The following FRY variants were observed in gnomAD, a reference collection of about 807,000 sequenced individuals.
FRY encodes protein furry homolog.
A neutral mutation model predicts 348.4 loss-of-function variants in FRY; 128 were observed. That is an observed-to-expected ratio of 0.37 (90% CI 0.32 to 0.43). The LOEUF (loss-of-function observed/expected upper bound fraction) is 0.43, where lower values mean the gene tolerates loss of function less well. Among genes scored for constraint, FRY ranks in the 20% least tolerant of loss-of-function variants. FRY has a pLI of 1.00. For synonymous variants in FRY, 1,370 were observed against 1,374.7 expected (o/e 1.00, Z 0.08); for missense variants, 2,736 against 3,695.2 (o/e 0.74, Z 6.73).
chr13:32,181,535 A>C (rs1045686117), intron 23 of FRY, among the ~76,000 whole-genome samples: 3 of 143,030 alleles, frequency 2.1e-5, no homozygotes, highest in Non-Finnish European at 3.0e-5. Context: ...CAGAGGTTGC[A>C]GTGCACTCCA....
chr13:32,147,420 A>C, intron 12 of FRY, 35 bp downstream of exon 12: 1 of 1,121,970 alleles, frequency 8.9e-7, no homozygotes, highest in Non-Finnish European at 1.4e-6. Context: ...TAACCATATC[A>C]CTCAGCCACT....
At chr13:32,086,070 G>C in intron 2 of FRY, 2 of 478,124 alleles carry the variant, frequency 4.2e-6, no homozygotes, top group East Asian at 1.1e-4. Flanking sequence ...CGCCTCTGAG[G>C]GTTTTCAAAG....
At chr13:32,223,897 T>TTG (rs1261776101) in intron 36 of FRY, among the ~76,000 whole-genome samples, 7 of 151,884 alleles carry the variant, frequency 4.6e-5, no homozygotes, top group African/African-American at 9.7e-5. Context: ...CCTGGCTATT[T>TTG]TGTGTGTGTG....
At chr13:32,277,683 G>C (rs1888600254) in intron 57 of FRY, among the ~76,000 whole-genome samples, 1 of 152,182 alleles carries the variant, frequency 6.6e-6, no homozygotes, top group African/African-American at 2.4e-5. Context: ...TTTGTTTATT[G>C]CTATTGCTGT....
In FRY at chr13:32,265,608, C is replaced by G; in HGVS notation, c.7938C>G (p.Thr2646=). The G allele has an allele frequency of 6.2e-7, 1 of 1,613,854 alleles. No individual in the cohort carries two copies. The highest frequency in any genetic ancestry group is 8.5e-7 in the Non-Finnish European group (1 of 1,179,916). ...EKGNRALDQF[T]LASFGEGDRG... is the part of the protein sequence containing the mutation. ...GCAATCGGGCACTGGACCAGTTTAC[C>G]CTGGCGAGGTAATGGAGCCCTTGGC... Residue 2646 remains threonine (T), a synonymous_variant, in exon 54 of 61, where the codon ACC becomes ACG. Transcript: ENST00000542859.
chr13:32,038,350 G>A (rs190067187), intron 1 of FRY: 132 of 152,226 alleles, frequency 8.7e-4, no homozygotes, highest in African/African-American at 3.0e-3. Flanking sequence ...TATGTATTAC[G>A]ATTTTCCGAA....
At chr13:32,217,344 C>T (rs1885055161) in intron 35 of FRY, among the ~76,000 whole-genome samples, 1 of 152,090 alleles carries the variant, frequency 6.6e-6, no homozygotes, top group Non-Finnish European at 1.5e-5. Context: ...TGCCCCTGAA[C>T]CACACCCTTG....
In FRY at chr13:32,219,120, G is replaced by A. The variant is rs1215057401; in HGVS notation, c.4765+289G>A. Among the ~76,000 whole-genome samples the A allele has an allele frequency of 6.5e-5, 9 of 138,864 alleles. No individual in the cohort carries two copies. The East Asian group carries it at 8.4e-4, about 13-fold the overall frequency. The allele number at this position is 138,864 out of a possible 152,430, so 91.1% of individuals were successfully genotyped here. On this transcript the variant is annotated intron_variant, in intron 36 of 60. Coordinates refer to ENST00000542859, the MANE Select transcript of FRY (RefSeq NM_023037.3). ...TTTTTTTTTTTTGAGACGGAGTCTC[G>A]CTTTGTCGCCCAGGCTGGAGTGCAG...
At chr13:32,085,959 AC>A (rs764689486) in intron 2 of FRY, 1 of 518,740 alleles carries the variant, frequency 1.9e-6, no homozygotes, top group Non-Finnish European at 3.8e-6. Context: ...AGAAGACAAC[AC>A]CCCCAACGAT....
At chr13:32,049,058 C>T (rs1340887701) in intron 1 of FRY, among the ~76,000 whole-genome samples, 2 of 152,164 alleles carry the variant, frequency 1.3e-5, no homozygotes, top group African/African-American at 4.8e-5. Context: ...AAGGAAGTTG[C>T]AAGAGAACAG....
intron 33 of FRY, 127 bp from the exon 34 acceptor site, chr13:32,210,739 A>G (rs1048528607): frequency 2.6e-6 from 2 of 771,756 alleles, no homozygotes; most frequent in East Asian, 5.3e-5. Flanking sequence ...AGGATAGCAC[A>G]AAGATTAGCT....
chr13:32,145,526 G>GTTTTTTTTTT (rs59585678), intron 11 of FRY, among the ~76,000 whole-genome samples: 2 of 91,476 alleles, frequency 2.2e-5, no homozygotes, highest in African/African-American at 8.3e-5. Flanking sequence ...TGACTGATTT[G>GTTTTTTTTTT]TTTTTTTTTT....
In FRY at chr13:32,262,444, T is replaced by C. The variant is rs1441510164; in HGVS notation, c.7748T>C (p.Met2583Thr). 8 of 1,613,764 alleles carry C rather than the reference T, an allele frequency of 5.0e-6. No individual in the cohort carries two copies. In the East Asian group the frequency reaches 6.7e-5, roughly 13 times the overall value. Residue 2583 changes from methionine to threonine, a missense_variant, in exon 53 of 61, where the codon ATG (methionine) becomes ACG (threonine). Coordinates refer to ENST00000542859, the MANE Select transcript of FRY (RefSeq NM_023037.3). ...AGCTTTGATGCTTCCTTGCCTGATA[T>C]GAATAATCTGCAGATTTCTGAGGGT... ...MSSFDASLPD[M>T]NNLQISEGSK...
At chr13:32,067,315 C>T (rs978773900) in intron 1 of FRY, among the ~76,000 whole-genome samples, 1 of 151,994 alleles carries the variant, frequency 6.6e-6, no homozygotes, top group Non-Finnish European at 1.5e-5. Flanking sequence ...AGGCCTAATG[C>T]GGGGTTAGGT....
chr13:32,117,780 A>ATGCTGACT (rs1410313000), intron 4 of FRY, among the ~76,000 whole-genome samples: 6 of 152,214 alleles, frequency 3.9e-5, no homozygotes, highest in African/African-American at 9.7e-5. Flanking sequence ...CTACACCCAA[A>ATGCTGACT]GCAGAATGCT....
intron 26 of FRY, among the ~76,000 whole-genome samples, chr13:32,185,864 G>T (rs914191522): frequency 1.3e-5 from 2 of 152,182 alleles, no homozygotes; most frequent in Non-Finnish European, 2.9e-5. Context: ...TTAAAGCGAA[G>T]TACCTATGTG....
At chr13:32,207,208 T>A (rs1420661237) in intron 31 of FRY, among the ~76,000 whole-genome samples, 1 of 152,208 alleles carries the variant, frequency 6.6e-6, no homozygotes, top group African/African-American at 2.4e-5. Flanking sequence ...AAAAGATAGG[T>A]CTTTTGAATA....
chr13:32,230,583 T>C (rs1885855859), intron 40 of FRY, among the ~76,000 whole-genome samples: 1 of 152,212 alleles, frequency 6.6e-6, no homozygotes, highest in Non-Finnish European at 1.5e-5. Context: ...GCTGATTCCG[T>C]GTCTTTGCTA....
chr13:32,156,558 A>T (rs2476720), intron 15 of FRY, among the ~76,000 whole-genome samples: 2 of 147,396 alleles, frequency 1.4e-5, no homozygotes, highest in African/African-American at 5.1e-5. Context: ...CCAAGATCGC[A>T]CCATTCCACT....
Sources: gnomAD v4.1 joint callset for allele counts (sites outside exome capture counted in the v4.1 genomes callset) on GRCh38, gnomAD v4.1.1 for gene constraint, MANE v1.5 for transcripts, NCBI Gene and HGNC (gene_info 2026-07-23, HGNC 2026-07-21) for gene names.